PTPN2: variants seen among roughly 807,000 people sequenced by gnomAD.
PTPN2 encodes protein tyrosine phosphatase non-receptor type 2, also known as tyrosine-protein phosphatase non-receptor type 2.
A neutral mutation model predicts 57.3 loss-of-function variants in PTPN2; 19 were observed. The observed-to-expected ratio is 0.33, with a 90% CI of 0.23 to 0.49. PTPN2 has a LOEUF of 0.49. Among genes scored for constraint, PTPN2 ranks in the 20% least tolerant of loss-of-function variants. The probability of loss-of-function intolerance (pLI) is 0.99; values close to 1 mark genes in which losing one functional copy is unlikely to be tolerated. For synonymous variants in PTPN2, 153 were observed against 164.9 expected (o/e 0.93, Z 0.55); for missense variants, 358 against 501.1 (o/e 0.71, Z 2.73).
chr18:12,822,648 G>A (rs1355588566), intron 5 of PTPN2, among the ~76,000 whole-genome samples: 1 of 152,152 alleles, frequency 6.6e-6, no homozygotes, highest in Non-Finnish European at 1.5e-5. Context: ...GACTCCCTTA[G>A]ATGCAAACTG....
intron 2 of PTPN2, among the ~76,000 whole-genome samples, chr18:12,855,441 G>A (rs484020): frequency 0.7 from 106,347 of 151,932 alleles, 40,570 homozygotes; most frequent in Middle Eastern, 0.85. Flanking sequence ...CGAAGGATTC[G>A]GCTAGGACAG....
chr18:12,846,361 A>AG (rs1277801067), intron 2 of PTPN2, among the ~76,000 whole-genome samples: 1 of 152,258 alleles, frequency 6.6e-6, no homozygotes, highest in Non-Finnish European at 1.5e-5. Context: ...AATATTTATT[A>AG]GTTGGCAACC....
In PTPN2 at chr18:12,840,980, C is replaced by T. The variant is rs1042330167; in HGVS notation, c.161-4089G>A. 4 of 1,438,480 alleles carry T rather than the reference C, an allele frequency of 2.8e-6. No individual in the cohort carries two copies. In the African/African-American group the frequency reaches 5.7e-5, roughly 21 times the overall value. 89.1% of individuals were successfully genotyped at this position (1,438,480 alleles called of 1,614,324 possible). On this transcript the variant is annotated intron_variant, in intron 2 of 8. Transcript: ENST00000309660. ...ATTGAATACTTTCAGCAATCATACACAATTTTTAGTCAACAAACATATTTT... is the reference window on the plus strand; with the variant it reads ...ATTGAATACTTTCAGCAATCATACATAATTTTTAGTCAACAAACATATTTT...
At chr18:12,829,213 G>A (rs2042581763) in intron 4 of PTPN2, among the ~76,000 whole-genome samples, 1 of 151,900 alleles carries the variant, frequency 6.6e-6, no homozygotes, top group African/African-American at 2.4e-5. Flanking sequence ...AACTATTAAA[G>A]GTTTGTTAAA....
intron 2 of PTPN2, 23 bp downstream of exon 2, chr18:12,859,141 C>A: frequency 6.3e-7 from 1 of 1,590,562 alleles, no homozygotes; most frequent in Non-Finnish European, 8.6e-7. Flanking sequence ...AATACACATG[C>A]ACACAAACCC....
intron 1 of PTPN2, chr18:12,862,148 TTCTC>T (rs1357513722): frequency 6.6e-6 from 1 of 150,872 alleles, no homozygotes; most frequent in African/African-American, 2.4e-5. Context: ...AATATCCTCT[TTCTC>T]TTTCTTTTTT....
chr18:12,841,286 A>G (rs545062409), intron 2 of PTPN2, among the ~76,000 whole-genome samples: 25 of 152,344 alleles, frequency 1.6e-4, no homozygotes, highest in African/African-American at 6.0e-4. Flanking sequence ...GGCTCCCCAG[A>G]CACATTAAGG....
At chr18:12,856,728 G>GT (rs2043601823) in intron 2 of PTPN2, among the ~76,000 whole-genome samples, 1 of 152,070 alleles carries the variant, frequency 6.6e-6, no homozygotes, top group East Asian at 1.9e-4. Flanking sequence ...AGTTGCAAAT[G>GT]TTTTTACTTT....
intron 7 of PTPN2, among the ~76,000 whole-genome samples, chr18:12,805,957 G>A (rs912069495): frequency 2.0e-5 from 3 of 151,944 alleles, no homozygotes; most frequent in Non-Finnish European, 4.4e-5. Context: ...CTTTTATTCA[G>A]CATAATACTG....
chr18:12,827,201 G>A (rs142236874), intron 4 of PTPN2, among the ~76,000 whole-genome samples: 48 of 151,884 alleles, frequency 3.2e-4, no homozygotes, highest in African/African-American at 1.0e-3. Flanking sequence ...AAATTAGCCG[G>A]GTGTGGTGGT....
At chr18:12,785,853 T>C in intron 9 of PTPN2, 2 of 1,601,478 alleles carry the variant, frequency 1.2e-6, no homozygotes, top group Non-Finnish European at 1.7e-6. Flanking sequence ...GCCTAAAACA[T>C]AAAATAAGAA....
intron 1 of PTPN2, among the ~76,000 whole-genome samples, chr18:12,861,687 T>C (rs1002744730): frequency 2.6e-5 from 4 of 152,190 alleles, no homozygotes; most frequent in South Asian, 2.1e-4. Flanking sequence ...CAAAAACCTA[T>C]TGACCATTAC....
In PTPN2 at chr18:12,857,060, CA is replaced by C. The variant is rs57221505; in HGVS notation, c.160+2103del. Reference sequence around the variant, plus strand: ...TGGGTAACAGAGTGAGACACCATCTCAAAAAAAAAAAAAAAAAAATCCCATT... The same window carrying C: ...TGGGTAACAGAGTGAGACACCATCTCAAAAAAAAAAAAAAAAAATCCCATT... On this transcript the variant is annotated intron_variant, in intron 2 of 8. Coordinates refer to ENST00000309660, the MANE Select transcript of PTPN2 (RefSeq NM_002828.4). 3.7e-3 allele frequency among the ~76,000 whole-genome samples: 374 copies of C among 100,974 alleles called. 5 individuals are homozygous for C. The highest frequency in any genetic ancestry group is 0.015 in the African/African-American group (344 of 23,418). 66.2% of individuals were successfully genotyped at this position (100,974 alleles called of 152,430 possible).
At position 12,859,792 on chromosome 18, in the gene PTPN2, A is replaced by G. The variant is rs112633055; in HGVS notation, c.70-538T>C. 1.4e-4 allele frequency among the ~76,000 whole-genome samples: 21 copies of G among 152,314 alleles called. 1 individual carries two copies. The highest frequency in any genetic ancestry group is 5.1e-4 in the African/African-American group (21 of 41,566). ...TTATTTTGAACCCAGAAATATCCTC[A>G]AATTTTATTTCTATCATGTTTGTCA... On this transcript the variant is annotated intron_variant, in intron 1 of 8. Coordinates refer to ENST00000309660, the MANE Select transcript of PTPN2 (RefSeq NM_002828.4).
intron 1 of PTPN2, among the ~76,000 whole-genome samples, chr18:12,883,362 C>A (rs1435332552): frequency 3.9e-5 from 6 of 152,222 alleles, no homozygotes; most frequent in African/African-American, 1.4e-4. Context: ...CCACGCTGGG[C>A]GCTGCTGGGC....
intron 1 of PTPN2, among the ~76,000 whole-genome samples, chr18:12,872,058 AC>A (rs1555680093): frequency 5.1e-5 from 4 of 78,768 alleles, no homozygotes; most frequent in African/African-American, 2.5e-4. Context: ...CAAAAAAAAA[AC>A]AAAAAAACAA....
At chr18:12,838,944 A>G (rs1470300186) in intron 2 of PTPN2, among the ~76,000 whole-genome samples, 2 of 151,948 alleles carry the variant, frequency 1.3e-5, no homozygotes, top group Admixed American at 1.3e-4. Context: ...AAAAGGAGAA[A>G]TAAAACTTTA....
intron 7 of PTPN2, among the ~76,000 whole-genome samples, chr18:12,807,174 A>G (rs2041684463): frequency 6.6e-6 from 1 of 152,178 alleles, no homozygotes; most frequent in Non-Finnish European, 1.5e-5. Flanking sequence ...CAACAGATAC[A>G]TGAGAAAATG....
Position 12,793,890 on chromosome 18 carries a change from A to C in PTPN2, c.*388T>G. ...TGTCATTTTCTTTCCAATAACGTAG[A>C]TAAAACCACAATATTTATTGCTTAT... On this transcript the variant is annotated 3_prime_UTR_variant, in exon 9 of 9. Transcript: ENST00000309660. 2 of 1,062,680 alleles carry C rather than the reference A, an allele frequency of 1.9e-6. No individual in the cohort carries two copies. The highest frequency in any genetic ancestry group is 3.3e-5 in the African/African-American group (2 of 59,916). The allele number at this position is 1,062,680 out of a possible 1,614,324, so 65.8% of individuals were successfully genotyped here. A position where few individuals can be genotyped will look rare whatever the true frequency, so the allele number is the denominator to read the frequency against.
Sources: gnomAD v4.1 joint callset for allele counts (sites outside exome capture counted in the v4.1 genomes callset) on GRCh38, gnomAD v4.1.1 for gene constraint, MANE v1.5 for transcripts, NCBI Gene and HGNC (gene_info 2026-07-23, HGNC 2026-07-21) for gene names.